Variants in CRYZ observed in about 807,000 individuals in gnomAD.
The protein encoded by CRYZ is crystallin zeta.
A neutral mutation model predicts 34.1 loss-of-function variants in CRYZ; 35 were observed. The observed-to-expected ratio is 1.03, with a 90% CI of 0.78 to 1.36. The LOEUF is 1.36. Among genes scored for constraint, CRYZ ranks in the 40% most tolerant of loss-of-function variants. CRYZ has a pLI of 0.00. For missense variants in CRYZ, 403 were observed against 391.8 expected (o/e 1.03, Z -0.24); for synonymous variants, 137 against 136.5 (o/e 1.00, Z -0.03).
In CRYZ at chr1:74,726,816, C is replaced by T. The variant is rs145946492; in HGVS notation, c.-13-1982G>A. On this transcript the variant is annotated intron_variant, in intron 1 of 8. Transcript: ENST00000340866. ...ATAAAACTAAATGATTTTAATAATG[C>T]GCAAGTCACCTCTTGAATGCTTTAC... Among the ~76,000 whole-genome samples, 311 of 152,284 alleles carry T rather than the reference C, an allele frequency of 2.0e-3. 2 individuals carry two copies. The highest frequency in any genetic ancestry group is 7.0e-3 in the African/African-American group (292 of 41,558).
At chr1:74,726,684 G>A (rs1647358223) in intron 1 of CRYZ, among the ~76,000 whole-genome samples, 1 of 152,050 alleles carries the variant, frequency 6.6e-6, no homozygotes, top group South Asian at 2.1e-4. Flanking sequence ...TCAGAAAATG[G>A]GTTTTTCTTT....
chr1:74,724,570 G>T, intron 2 of CRYZ, 141 bp downstream of exon 2: 1 of 534,256 alleles, frequency 1.9e-6, no homozygotes, highest in Non-Finnish European at 3.3e-6. Flanking sequence ...CTTTATCAAT[G>T]TCCATATGTA....
intron 8 of CRYZ, among the ~76,000 whole-genome samples, 174 bp from the exon 9 acceptor site, chr1:74,706,631 A>G (rs904264426): frequency 2.0e-5 from 3 of 152,170 alleles, no homozygotes; most frequent in Non-Finnish European, 4.4e-5. Context: ...CAGGGTAACC[A>G]TAAATCCCAT....
intron 1 of CRYZ, among the ~76,000 whole-genome samples, chr1:74,732,461 G>C (rs377499276): frequency 1.3e-5 from 2 of 151,968 alleles, no homozygotes; most frequent in East Asian, 1.9e-4. Flanking sequence ...CTGTGGGAAG[G>C]GGCCCTACCT....
rs564906914 is a variant in CRYZ, at chr1:74,724,840, G to A, written c.-13-6C>T. Reference sequence around the variant, plus strand: ...TCGCCATGGTGATCTAGATACTAAGGAAGAAAAAAAATTAATGTATTGTCA... The same window carrying A: ...TCGCCATGGTGATCTAGATACTAAGAAAGAAAAAAAATTAATGTATTGTCA... On this transcript the variant is annotated splice_region_variant and splice_polypyrimidine_tract_variant and intron_variant, in intron 1 of 8. Transcript: ENST00000340866. 6 of 1,511,072 alleles carry A rather than the reference G, an allele frequency of 4.0e-6. No individual in the cohort carries two copies. The East Asian group carries it at 6.8e-5, about 17-fold the overall frequency. The allele number at this position is 1,511,072 out of a possible 1,614,324, so 93.6% of individuals were successfully genotyped here.
intron 4 of CRYZ, among the ~76,000 whole-genome samples, chr1:74,716,724 T>A (rs1029868988): frequency 6.6e-6 from 1 of 152,142 alleles, no homozygotes; most frequent in Non-Finnish European, 1.5e-5. Context: ...TGACTCTCAA[T>A]AGCTCCATTT....
In CRYZ at chr1:74,721,546, G is replaced by A. The variant is rs1647164035; in HGVS notation, c.264+1572C>T. Among the ~76,000 whole-genome samples, 3 of 152,188 alleles carry A rather than the reference G, an allele frequency of 2.0e-5. 1 individual carries two copies. In the South Asian group the frequency reaches 6.2e-4, roughly 31 times the overall value. The stretch of plus-strand genomic sequence containing the variant: ...ATAAAGTGATTCATTCTAGAGTAAG[G>A]ATGAATTCCAGGGAAAAGAGAAAGT... On this transcript the variant is annotated intron_variant, in intron 3 of 8. Transcript: ENST00000340866.
At chr1:74,719,662 A>C (rs976796511) in intron 3 of CRYZ, among the ~76,000 whole-genome samples, 1 of 151,676 alleles carries the variant, frequency 6.6e-6, no homozygotes, top group Non-Finnish European at 1.5e-5. Flanking sequence ...CACCCGGCTG[A>C]TTTTTGTATT....
At chr1:74,722,444 T>C (rs1388435919) in intron 3 of CRYZ, among the ~76,000 whole-genome samples, 1 of 152,144 alleles carries the variant, frequency 6.6e-6, no homozygotes, top group Admixed American at 6.6e-5. Flanking sequence ...GGTGGAAAGC[T>C]GTATGAATTT....
chr1:74,727,548 C>T (rs1006379185), intron 1 of CRYZ, among the ~76,000 whole-genome samples: 17 of 133,638 alleles, frequency 1.3e-4, no homozygotes, highest in Admixed American at 8.9e-4. Context: ...AGGAGAATGG[C>T]GTCAACCCGG....
At chr1:74,731,463 A>C (rs1319201431) in intron 1 of CRYZ, among the ~76,000 whole-genome samples, 1 of 152,244 alleles carries the variant, frequency 6.6e-6, no homozygotes, top group Non-Finnish European at 1.5e-5. Context: ...TGACTCATGT[A>C]AGCATATGGT....
At chr1:74,732,616 T>G (rs1391691131) in intron 1 of CRYZ, among the ~76,000 whole-genome samples, 46 of 9,868 alleles carry the variant, frequency 4.7e-3, no homozygotes, top group African/African-American at 6.0e-3. Flanking sequence ...GGGGGGGGGG[T>G]GCAGCGTGGG....
Position 74,706,433 on chromosome 1 carries a change from C to T in CRYZ, c.853G>A (p.Ala285Thr). Residue 285 changes from alanine (A) to threonine (T), a missense_variant, in exon 9 of 9, where the codon GCC becomes ACC. Coordinates refer to ENST00000340866, the MANE Select transcript of CRYZ (RefSeq NM_001889.4). ...TKEEFQQYAA[A>T]LQAGMEIGWL... Reference sequence around the variant, plus strand: ...CCAATTTCCATTCCAGCTTGAAGGGCTGCTGCATATTGCTGAAATTCCTCC... The same window carrying T: ...CCAATTTCCATTCCAGCTTGAAGGGTTGCTGCATATTGCTGAAATTCCTCC... 2 of 1,606,476 alleles carry T rather than the reference C, an allele frequency of 1.2e-6. No individual in the cohort carries two copies. The highest frequency in any genetic ancestry group is 1.7e-6 in the Non-Finnish European group (2 of 1,177,864).
chr1:74,726,739 T>C (rs1427028156), intron 1 of CRYZ, among the ~76,000 whole-genome samples: 1 of 152,202 alleles, frequency 6.6e-6, no homozygotes, highest in Admixed American at 6.6e-5. Context: ...TTTTATGCTC[T>C]GCTTTCCTTT....
intron 1 of CRYZ, among the ~76,000 whole-genome samples, chr1:74,730,799 C>T (rs975266313): frequency 1.6e-4 from 24 of 152,096 alleles, no homozygotes; most frequent in African/African-American, 5.6e-4. Context: ...TAGAAATAAA[C>T]TTTACAATAG....
chr1:74,724,096 T>C (rs187069123), intron 2 of CRYZ, among the ~76,000 whole-genome samples: 10 of 152,172 alleles, frequency 6.6e-5, no homozygotes, highest in South Asian at 2.1e-4. Context: ...ATTAAGGAAA[T>C]TGGACAAAAG....
chr1:74,719,138 A>G, intron 4 of CRYZ, 71 bp downstream of exon 4: 1 of 1,469,472 alleles, frequency 6.8e-7, no homozygotes, highest in Non-Finnish European at 9.4e-7. Flanking sequence ...ATGGACAGAC[A>G]GCTAGAAGGC....
chr1:74,717,024 G>A (rs1030806900), intron 4 of CRYZ, among the ~76,000 whole-genome samples: 4 of 151,950 alleles, frequency 2.6e-5, no homozygotes, highest in African/African-American at 7.3e-5. Context: ...GAAAAGTGAC[G>A]CAATCACACA....
chr1:74,719,262 T>C lies in CRYZ; in HGVS notation c.375A>G (p.Gln125=), dbSNP rs554764859. ...AATATGGAATGCCGATGGCAGCTCC[T>C]TGTTTAAAGTCCAGTTTTTCAGGTA... The part of the protein sequence containing the change: ...YKLPEKLDFK[Q]GAAIGIPYFT... The change falls in exon 4 of 9, where the codon CAA becomes CAG. Residue 125 remains glutamine, a synonymous_variant. Transcript: ENST00000340866. 3.1e-6 allele frequency: 5 copies of C among 1,613,892 alleles called. No individual in the cohort carries two copies. The East Asian group carries it at 1.1e-4, about 36-fold the overall frequency.
Sources: allele counts gnomAD v4.1 joint callset (sites outside exome capture counted in the v4.1 genomes callset), GRCh38; gene constraint gnomAD v4.1.1; transcripts MANE v1.5; gene names NCBI Gene and HGNC (gene_info 2026-07-23, HGNC 2026-07-21).